Variants in BUB1 observed in about 807,000 individuals in gnomAD.
BUB1 encodes mitotic checkpoint serine/threonine-protein kinase BUB1.
In BUB1, 84 loss-of-function variants were observed where a neutral mutation model predicts 135.2. That is an observed-to-expected ratio of 0.62 (90% confidence interval 0.52 to 0.74). The LOEUF is 0.74. Among genes scored for constraint, BUB1 ranks in the 30% least tolerant of loss-of-function variants. The probability of loss-of-function intolerance (pLI) is 0.00; values close to 1 mark genes in which losing one functional copy is unlikely to be tolerated. For synonymous variants in BUB1, 403 were observed against 434.4 expected (o/e 0.93, Z 0.90); for missense variants, 1,162 against 1,288.3 (o/e 0.90, Z 1.50).
At chr2:110,674,269 AGTTT>A (rs775117572) in intron 2 of BUB1, 33 bp downstream of exon 2, 1 of 1,613,028 alleles carries the variant, frequency 6.2e-7, no homozygotes, top group Non-Finnish European at 8.5e-7. Flanking sequence ...GGCAGTGTAT[AGTTT>A]GTTTAAGGGA....
rs763444715 is a variant in BUB1, at chr2:110,641,818, T to C, written c.2464-15A>G. ...GGCTTTTGGACCTGCAAATCAGGTA[T>C]GTGAAATTCATATCCAATCTCGTAT... On this transcript the variant is annotated splice_polypyrimidine_tract_variant and intron_variant, in intron 20 of 24. Transcript: ENST00000302759. 6.3e-7 allele frequency: 1 copy of C among 1,597,824 alleles called. No individual in the cohort carries two copies. The highest frequency in any genetic ancestry group is 8.5e-7 in the Non-Finnish European group (1 of 1,178,048).
chr2:110,661,768 T>C lies in BUB1; in HGVS notation c.1031A>G (p.Tyr344Cys), dbSNP rs146767216. Residue 344 changes from tyrosine to cysteine, a missense_variant, in exon 10 of 25, where the codon TAT becomes TGT. Tyr to Cys is a radical substitution (Grantham distance 194, BLOSUM62 -2). Transcript: ENST00000302759. ...TTCCATGTTCACTGGTGTCTGCTGATAGGTTACTGGAAGACATGGCGCTCT... is the reference window on the plus strand; with the variant it reads ...TTCCATGTTCACTGGTGTCTGCTGACAGGTTACTGGAAGACATGGCGCTCT... ...ELRAPCLPVT[Y>C]QQTPVNMEKN... 42 of 1,614,230 alleles carry C rather than the reference T, an allele frequency of 2.6e-5. No homozygotes were observed. In the East Asian group the frequency reaches 8.9e-4, roughly 34 times the overall value.
chr2:110,671,252 A>G (rs1690412360), intron 4 of BUB1, among the ~76,000 whole-genome samples: 1 of 152,238 alleles, frequency 6.6e-6, no homozygotes, highest in African/African-American at 2.4e-5. Flanking sequence ...TTTCTTAGGT[A>G]TGATTATCGA....
intron 19 of BUB1, 156 bp downstream of exon 19, chr2:110,649,078 T>C (rs1252830940): frequency 1.6e-6 from 1 of 616,280 alleles, no homozygotes; most frequent in Non-Finnish European, 2.6e-6. Flanking sequence ...CAATCATGGC[T>C]TAACAAAATG....
At chr2:110,663,832 T>A (rs949410432) in intron 9 of BUB1, among the ~76,000 whole-genome samples, 4 of 152,100 alleles carry the variant, frequency 2.6e-5, no homozygotes, top group Non-Finnish European at 4.4e-5. Context: ...ATCAAGACCA[T>A]CCTGGTAACA....
intron 3 of BUB1, 125 bp from the exon 4 acceptor site, chr2:110,672,982 A>C: frequency 1.1e-6 from 1 of 939,692 alleles, no homozygotes; most frequent in South Asian, 2.2e-5. Flanking sequence ...CATCAGCAAA[A>C]CCAAGGCAGG....
At chr2:110,673,355 A>G (rs1379702481) in intron 3 of BUB1, among the ~76,000 whole-genome samples, 1 of 152,208 alleles carries the variant, frequency 6.6e-6, no homozygotes, top group Non-Finnish European at 1.5e-5. Context: ...GATCGAACTC[A>G]GACCCAGGGA....
intron 18 of BUB1, 122 bp from the exon 19 acceptor site, chr2:110,649,499 A>G: frequency 1.1e-6 from 1 of 933,396 alleles, no homozygotes; most frequent in Non-Finnish European, 1.5e-6. Flanking sequence ...AAAGCCTTAT[A>G]AGAGTATTAA....
chr2:110,652,771 C>A (rs1406935009), intron 17 of BUB1, among the ~76,000 whole-genome samples: 1 of 152,210 alleles, frequency 6.6e-6, no homozygotes, highest in East Asian at 1.9e-4. Flanking sequence ...ATTTCATACA[C>A]TGCTATTTTC....
chr2:110,639,535 T>C (rs755124590), intron 24 of BUB1, among the ~76,000 whole-genome samples: 1 of 152,096 alleles, frequency 6.6e-6, no homozygotes, highest in Non-Finnish European at 1.5e-5. Context: ...AGTGAGGACA[T>C]CAGCTGCCCC....
At chr2:110,675,579 C>T (rs978474678) in intron 1 of BUB1, among the ~76,000 whole-genome samples, 6 of 150,478 alleles carry the variant, frequency 4.0e-5, no homozygotes, top group African/African-American at 1.5e-4. Flanking sequence ...AGGAAGACTC[C>T]GAGGTTTTCT....
At chr2:110,662,086 C>G (rs1690116104) in intron 9 of BUB1, 1 of 465,110 alleles carries the variant, frequency 2.2e-6, no homozygotes, top group Admixed American at 3.8e-5. Flanking sequence ...TAATTTCTAA[C>G]CACTGAAATA....
chr2:110,673,364 G>A (rs1690475111), intron 3 of BUB1, among the ~76,000 whole-genome samples: 1 of 152,194 alleles, frequency 6.6e-6, no homozygotes, highest in Admixed American at 6.5e-5. Context: ...CAGACCCAGG[G>A]AGAGGGTTGT....
At chr2:110,655,589 C>A in intron 16 of BUB1, 150 bp downstream of exon 16, 1 of 747,400 alleles carries the variant, frequency 1.3e-6, no homozygotes, top group Non-Finnish European at 2.0e-6. Flanking sequence ...AACAAAAATA[C>A]AATGAACAGA....
Position 110,658,458 on chromosome 2 carries a change from A to G in BUB1, c.1468T>C (p.Trp490Arg). The G allele has an allele frequency of 5.0e-6, 8 of 1,614,086 alleles. No homozygotes were observed. The highest frequency in any genetic ancestry group is 6.8e-6 in the Non-Finnish European group (8 of 1,179,992). Residue 490 changes from tryptophan to arginine, a missense_variant, in exon 13 of 25, where the codon TGG becomes CGG. Transcript: ENST00000302759. ...LPDISDDKDE[W>R]QSLDQNEDAF... ...TCTTCATTTTGATCTAGAGATTGCCATTCATCTTTGTCATCAGAAATATCA... is the reference window on the plus strand; with the variant it reads ...TCTTCATTTTGATCTAGAGATTGCCGTTCATCTTTGTCATCAGAAATATCA...
chr2:110,642,218 A>G lies in BUB1; in HGVS notation c.2364T>C (p.Tyr788=). ...TEFQLGSKLV[Y]VHHLLGEGAF... ...CTCCTTCTCCAAGAAGGTGATGGAC[A>G]TAGACCAGCTTAGAACCTTAGAAGA... The change falls in exon 20 of 25, where the codon TAT becomes TAC. Residue 788 remains tyrosine (Y), a synonymous_variant. Transcript: ENST00000302759. The G allele has an allele frequency of 6.2e-7, 1 of 1,612,062 alleles. No individual in the cohort carries two copies.
In BUB1 at chr2:110,641,994, T is replaced by G. The variant is rs1689518555; in HGVS notation, c.2463+125A>C. 5.9e-6 allele frequency: 6 copies of G among 1,023,744 alleles called. No homozygotes were observed. The South Asian group carries it at 8.9e-5, about 15-fold the overall frequency. 63.4% of individuals were successfully genotyped at this position (1,023,744 alleles called of 1,614,324 possible). A position where few individuals can be genotyped will look rare whatever the true frequency, so the allele number is the denominator to read the frequency against. On this transcript the variant is annotated intron_variant, in intron 20 of 24. Coordinates refer to ENST00000302759, the MANE Select transcript of BUB1 (RefSeq NM_004336.5). ...AATTCTAAATCTTTTGTAGTTTTTG[T>G]TTTTTAATTGCCAACTGTAGATATA... is the stretch of plus-strand genomic sequence containing the variant.
chr2:110,666,287 C>T lies in BUB1; in HGVS notation c.933G>A (p.Leu311=). The change falls in exon 9 of 25, where the codon CTG becomes CTA. Residue 311 remains leucine, a synonymous_variant. Transcript: ENST00000302759. ...HQVVETSHED[L]PASQERSEVN... is the part of the protein sequence containing the mutation. ...CCTCGGACCTTTCCTGGGAAGCGGG[C>T]AGATCCTCATGGGATGTCTCCACCA... 6.8e-7 allele frequency: 1 copy of T among 1,471,546 alleles called. No homozygotes were observed. The highest frequency in any genetic ancestry group is 9.0e-7 in the Non-Finnish European group (1 of 1,105,608). The allele number at this position is 1,471,546 out of a possible 1,614,324, so 91.2% of individuals were successfully genotyped here.
chr2:110,666,169 C>A, intron 9 of BUB1, 94 bp downstream of exon 9: 1 of 1,203,302 alleles, frequency 8.3e-7, no homozygotes, highest in Non-Finnish European at 1.1e-6. Context: ...AAATTAACAT[C>A]AGAATTAACT....
Sources: allele counts gnomAD v4.1 joint callset (sites outside exome capture counted in the v4.1 genomes callset), GRCh38; gene constraint gnomAD v4.1.1; transcripts MANE v1.5; gene names NCBI Gene and HGNC (gene_info 2026-07-23, HGNC 2026-07-21).